DCC: variants seen among roughly 807,000 people sequenced by gnomAD.
The protein encoded by DCC is netrin receptor DCC.
DCC carries 58 observed loss-of-function variants against 172.5 expected under a neutral mutation model. The observed-to-expected ratio is 0.34, with a 90% CI of 0.27 to 0.42. DCC has a LOEUF of 0.42. Ranked by LOEUF, DCC falls within the 10% of genes least tolerant of loss-of-function variation. The pLI is 1.00. For missense variants in DCC, 1,740 were observed against 1,791.0 expected (o/e 0.97, Z 0.51); for synonymous variants, 709 against 644.5 (o/e 1.10, Z -1.52).
At chr18:52,850,403 G>T (rs1439704009) in intron 2 of DCC, among the ~76,000 whole-genome samples, 1 of 152,076 alleles carries the variant, frequency 6.6e-6, no homozygotes, top group Admixed American at 6.6e-5. Context: ...TTTTTAACTG[G>T]TGTATTACAG....
chr18:53,353,149 T>C (rs2144909355), intron 15 of DCC, among the ~76,000 whole-genome samples: 1 of 152,110 alleles, frequency 6.6e-6, no homozygotes, highest in East Asian at 1.9e-4. Context: ...TGGTGACACA[T>C]GCCTGTAATC....
At chr18:53,162,804 G>T (rs1410496648) in intron 8 of DCC, among the ~76,000 whole-genome samples, 1 of 152,032 alleles carries the variant, frequency 6.6e-6, no homozygotes, top group African/African-American at 2.4e-5. Context: ...TTATTACCTT[G>T]TACTTACAAA....
intron 1 of DCC, among the ~76,000 whole-genome samples, chr18:52,717,969 G>T (rs73455769): frequency 2.0e-5 from 3 of 151,974 alleles, no homozygotes; most frequent in Admixed American, 2.0e-4. Context: ...AAAACCAAAC[G>T]CCTGAAACCA....
chr18:52,845,063 A>C (rs1047449189), intron 2 of DCC, among the ~76,000 whole-genome samples: 1 of 152,242 alleles, frequency 6.6e-6, no homozygotes, highest in Non-Finnish European at 1.5e-5. Flanking sequence ...CTCCGTCTTG[A>C]CAAGATGTCA....
chr18:52,359,141 TCTTC>T (rs1489659957), intron 1 of DCC, among the ~76,000 whole-genome samples: 7 of 152,210 alleles, frequency 4.6e-5, no homozygotes. Flanking sequence ...CAATGGAACT[TCTTC>T]CTTAAGTAGT....
At chr18:53,395,975 T>G (rs1187369965) in intron 17 of DCC, among the ~76,000 whole-genome samples, 1 of 152,162 alleles carries the variant, frequency 6.6e-6, no homozygotes, top group Non-Finnish European at 1.5e-5. Flanking sequence ...CTGATAAATA[T>G]TTGAGGTCAT....
At chr18:52,366,009 C>T (rs1214841427) in intron 1 of DCC, among the ~76,000 whole-genome samples, 1 of 152,170 alleles carries the variant, frequency 6.6e-6, no homozygotes, top group African/African-American at 2.4e-5. Context: ...TGGAATTGTT[C>T]TTAGAATATA....
At chr18:52,406,349 G>T (rs1024446388) in intron 1 of DCC, among the ~76,000 whole-genome samples, 1 of 151,068 alleles carries the variant, frequency 6.6e-6, no homozygotes, top group Non-Finnish European at 1.5e-5. Flanking sequence ...AAGAGCTTCT[G>T]CACGGCAAAA....
chr18:53,005,211 A>G (rs142908614), intron 5 of DCC, among the ~76,000 whole-genome samples: 98 of 152,334 alleles, frequency 6.4e-4, no homozygotes, highest in African/African-American at 2.2e-3. Context: ...AGTAACACGA[A>G]ACAAACTATG....
chr18:52,474,566 T>C (rs982464392), intron 1 of DCC, among the ~76,000 whole-genome samples: 5 of 152,216 alleles, frequency 3.3e-5, no homozygotes, highest in Non-Finnish European at 5.9e-5. Flanking sequence ...ACTTCTCTCA[T>C]GGGCTGAACT....
At chr18:53,175,930 C>G (rs2055085729) in intron 8 of DCC, among the ~76,000 whole-genome samples, 4 of 152,142 alleles carry the variant, frequency 2.6e-5, no homozygotes, top group Non-Finnish European at 5.9e-5. Flanking sequence ...TCAAACTATA[C>G]CACAAGGCTA....
At chr18:52,638,427 C>T (rs1016463007) in intron 1 of DCC, among the ~76,000 whole-genome samples, 1 of 152,074 alleles carries the variant, frequency 6.6e-6, no homozygotes. Context: ...ACAAACTAAC[C>T]ATTTGCTGCC....
At chr18:53,294,950 T>G (rs2057048891) in intron 12 of DCC, among the ~76,000 whole-genome samples, 1 of 152,214 alleles carries the variant, frequency 6.6e-6, no homozygotes, top group Non-Finnish European at 1.5e-5. Context: ...GTTTGTATCA[T>G]TTTCAAGCTG....
chr18:53,210,890 G>A (rs540600442), intron 11 of DCC, among the ~76,000 whole-genome samples: 74 of 151,772 alleles, frequency 4.9e-4, no homozygotes, highest in African/African-American at 1.6e-3. Flanking sequence ...TATTTTCTGA[G>A]TAGAAACCTT....
At chr18:53,063,553 T>A (rs2042526224) in intron 6 of DCC, 94 bp downstream of exon 6, 1 of 1,051,138 alleles carries the variant, frequency 9.5e-7, no homozygotes, top group South Asian at 1.4e-5. Context: ...AAAAGGTTCC[T>A]GTTGGAGATT....
At chr18:53,039,917 T>C (rs1186697984) in intron 5 of DCC, among the ~76,000 whole-genome samples, 1 of 151,984 alleles carries the variant, frequency 6.6e-6, no homozygotes, top group African/African-American at 2.4e-5. Flanking sequence ...TGAGGGCATA[T>C]CTATTGTCTG....
chr18:53,159,462 C>A (rs2054800052), intron 8 of DCC, among the ~76,000 whole-genome samples: 1 of 152,096 alleles, frequency 6.6e-6, no homozygotes, highest in Admixed American at 6.5e-5. Flanking sequence ...TACCTGATCT[C>A]TGGGAATCGC....
intron 1 of DCC, among the ~76,000 whole-genome samples, chr18:52,365,135 C>T (rs1051168176): frequency 2.2e-4 from 34 of 152,304 alleles, no homozygotes; most frequent in African/African-American, 7.5e-4. Flanking sequence ...TCCTTGTCAT[C>T]TTCCTTGCTC....
chr18:52,774,387 G>A (rs550981663), intron 2 of DCC, among the ~76,000 whole-genome samples: 1 of 152,186 alleles, frequency 6.6e-6, no homozygotes. Context: ...GTAGGAGTGA[G>A]GGAGAAAGGG....
Sources: allele counts gnomAD v4.1 joint callset (sites outside exome capture counted in the v4.1 genomes callset), GRCh38; gene constraint gnomAD v4.1.1; transcripts MANE v1.5; gene names NCBI Gene and HGNC (gene_info 2026-07-23, HGNC 2026-07-21).